Variants in CFAP52 observed in about 807,000 individuals in gnomAD.
CFAP52 encodes cilia- and flagella-associated protein 52.
CFAP52 carries 57 observed loss-of-function variants against 70.5 expected under a neutral mutation model. The ratio of observed to expected loss-of-function variants is 0.81; its 90% CI spans 0.65 to 1.01. The LOEUF (loss-of-function observed/expected upper bound fraction) is 1.01. Among genes scored for constraint, CFAP52 ranks in the 50% least tolerant of loss-of-function variants. The pLI, the probability that CFAP52 is intolerant of heterozygous loss-of-function variation, is 0.00. For missense variants in CFAP52, 785 were observed against 788.5 expected, an observed-to-expected ratio of 1.00 and a Z score of 0.05; for synonymous variants, 267 against 292.5, an observed-to-expected ratio of 0.91 and a Z score of 0.89.
intron 7 of CFAP52, among the ~76,000 whole-genome samples, chr17:9,610,531 A>ATTTTT (rs58955810): frequency 1.1e-4 from 16 of 145,324 alleles, no homozygotes; most frequent in African/African-American, 3.5e-4. Context: ...TCCTTTCCCC[A>ATTTTT]TTTTTTTTTT....
intron 8 of CFAP52, among the ~76,000 whole-genome samples, chr17:9,623,512 G>A (rs148837689): frequency 1.3e-5 from 2 of 152,154 alleles, no homozygotes; most frequent in African/African-American, 4.8e-5. Flanking sequence ...GCTTTAAAGA[G>A]TCATAAACAT....
chr17:9,636,201 AAG>A lies in CFAP52; in HGVS notation c.1472+647_1472+648del, dbSNP rs779678804. On this transcript the variant is annotated intron_variant, in intron 11 of 13. Coordinates refer to ENST00000352665, the MANE Select transcript of CFAP52 (RefSeq NM_145054.5). ...AAAAAAAGAAAGAAAGAAAGAAAGA[AAG>A]AAAGAAAGAAAGAAAGAAAGAAAGA... Among the ~76,000 whole-genome samples, 174 of 126,378 alleles carry A rather than the reference AAG, an allele frequency of 1.4e-3. 2 individuals are homozygous for A. The highest frequency in any genetic ancestry group is 3.7e-3 in the Middle Eastern group (1 of 272). The allele number at this position is 126,378 out of a possible 152,430, so 82.9% of individuals were successfully genotyped here.
intron 1 of CFAP52, among the ~76,000 whole-genome samples, chr17:9,581,935 G>C (rs1284343636): frequency 6.6e-6 from 1 of 152,150 alleles, no homozygotes; most frequent in East Asian, 1.9e-4. Flanking sequence ...CGTGTCACTT[G>C]GTCTCGCCTT....
intron 6 of CFAP52, among the ~76,000 whole-genome samples, chr17:9,600,735 T>C: frequency 6.6e-6 from 1 of 152,140 alleles, no homozygotes; most frequent in East Asian, 1.9e-4. Context: ...CAGCTAATTT[T>C]TTTGTATTTT....
chr17:9,642,740 T>A (rs1344981001), intron 13 of CFAP52, among the ~76,000 whole-genome samples: 1 of 152,248 alleles, frequency 6.6e-6, no homozygotes, highest in East Asian at 1.9e-4. Context: ...ATATGATGTA[T>A]ATGTATACCA....
chr17:9,639,430 TAA>T (rs796910382), intron 12 of CFAP52, among the ~76,000 whole-genome samples: 1,924 of 141,354 alleles, frequency 0.014, 47 homozygotes, highest in African/African-American at 0.047. Flanking sequence ...GACTCTCTCT[TAA>T]AAAAAAAAAA....
At chr17:9,630,453 G>A (rs1441435499) in intron 9 of CFAP52, among the ~76,000 whole-genome samples, 7 of 143,846 alleles carry the variant, frequency 4.9e-5, no homozygotes, top group African/African-American at 8.0e-5. Flanking sequence ...TTTAAGAGAC[G>A]GAGTCTTTTT....
chr17:9,585,121 C>A (rs997150927), intron 1 of CFAP52, among the ~76,000 whole-genome samples: 3 of 152,152 alleles, frequency 2.0e-5, no homozygotes, highest in Non-Finnish European at 4.4e-5. Flanking sequence ...ACACTCCATG[C>A]ATTCGTGCTT....
chr17:9,586,541 G>A (rs1240421633), intron 2 of CFAP52, among the ~76,000 whole-genome samples, 157 bp from the exon 3 acceptor site: 1 of 147,816 alleles, frequency 6.8e-6, no homozygotes, highest in Non-Finnish European at 1.5e-5. Context: ...TCCAGCCTGG[G>A]CAAAAAAGAG....
chr17:9,644,371 C>T (rs751048724), downstream of CFAP52, among the ~76,000 whole-genome samples: 8 of 152,120 alleles, frequency 5.3e-5, no homozygotes, highest in Non-Finnish European at 8.8e-5. Context: ...TCCCAAGGTG[C>T]TGGGATTACA....
chr17:9,585,543 T>C (rs12951385), intron 1 of CFAP52, among the ~76,000 whole-genome samples: 52,021 of 151,380 alleles, frequency 0.34, 10,265 homozygotes, highest in East Asian at 0.6. Flanking sequence ...TGGTGGCGGG[T>C]GCCTGTAATC....
At chr17:9,627,009 A>G (rs1910259371) in intron 8 of CFAP52, among the ~76,000 whole-genome samples, 1 of 152,114 alleles carries the variant, frequency 6.6e-6, no homozygotes, top group South Asian at 2.1e-4. Context: ...TATGAACCAA[A>G]TGGTCTTTAT....
chr17:9,634,035 A>C (rs1218878790), intron 10 of CFAP52, among the ~76,000 whole-genome samples: 3 of 152,064 alleles, frequency 2.0e-5, no homozygotes, highest in Non-Finnish European at 4.4e-5. Flanking sequence ...AAATACACCC[A>C]GACGTTTTGA....
chr17:9,604,803 A>G (rs557156415), intron 6 of CFAP52, among the ~76,000 whole-genome samples: 1 of 142,282 alleles, frequency 7.0e-6, no homozygotes, highest in South Asian at 2.3e-4. Context: ...ATAAATAAAT[A>G]AAAGAAGATA....
At chr17:9,583,929 A>G (rs1403274513) in intron 1 of CFAP52, among the ~76,000 whole-genome samples, 1 of 152,246 alleles carries the variant, frequency 6.6e-6, no homozygotes, top group African/African-American at 2.4e-5. Flanking sequence ...GGTTAGCTTT[A>G]TTGGAGAAGC....
intron 8 of CFAP52, 132 bp from the exon 9 acceptor site, chr17:9,628,540 G>A (rs1033475867): frequency 1.6e-6 from 2 of 1,244,410 alleles, no homozygotes; most frequent in Admixed American, 4.7e-5. Flanking sequence ...GCCTCCCAAA[G>A]TGCTGGGATT....
intron 11 of CFAP52, among the ~76,000 whole-genome samples, chr17:9,638,048 C>A (rs769000395): frequency 2.6e-5 from 4 of 152,238 alleles, no homozygotes; most frequent in Admixed American, 6.5e-5. Flanking sequence ...CCCCACGTGA[C>A]AGGCTCGTGC....
intron 4 of CFAP52, among the ~76,000 whole-genome samples, chr17:9,596,921 T>C (rs1909044648): frequency 6.6e-6 from 1 of 152,170 alleles, no homozygotes; most frequent in Non-Finnish European, 1.5e-5. Flanking sequence ...TTTCACCATG[T>C]TGGCCAGGCT....
At chr17:9,612,512 T>G (rs760552565) in intron 8 of CFAP52, 33 bp downstream of exon 8, 2 of 1,601,852 alleles carry the variant, frequency 1.2e-6, no homozygotes, top group Non-Finnish European at 1.7e-6. Context: ...AATGTGGAGA[T>G]TTGATGCAGT....
Sources: allele counts gnomAD v4.1 joint callset (sites outside exome capture counted in the v4.1 genomes callset), GRCh38; gene constraint gnomAD v4.1.1; transcripts MANE v1.5; gene names NCBI Gene and HGNC (gene_info 2026-07-23, HGNC 2026-07-21).